CDH18: variants seen among roughly 807,000 people sequenced by gnomAD.
The protein encoded by CDH18 is cadherin 18.
A neutral mutation model predicts 67.9 loss-of-function variants in CDH18; 31 were observed. The ratio of observed to expected loss-of-function variants is 0.46; its 90% CI spans 0.34 to 0.62. The LOEUF (loss-of-function observed/expected upper bound fraction) is 0.62, where lower values mean the gene tolerates loss of function less well. Ranked by LOEUF, CDH18 falls within the 20% of genes least tolerant of loss-of-function variation. The pLI is 0.01. For missense variants in CDH18, 890 were observed against 975.5 expected, an observed-to-expected ratio of 0.91 and a Z score of 1.17; for synonymous variants, 362 against 347.2, an observed-to-expected ratio of 1.04 and a Z score of -0.48.
At chr5:20,413,315 G>C (rs973207773) in intron 1 of CDH18, among the ~76,000 whole-genome samples, 3 of 152,136 alleles carry the variant, frequency 2.0e-5, no homozygotes, top group Non-Finnish European at 2.9e-5. Context: ...GTAATCATTT[G>C]GGTATATACC....
chr5:20,425,144 G>A (rs944829845), intron 1 of CDH18, among the ~76,000 whole-genome samples: 1 of 151,072 alleles, frequency 6.6e-6, no homozygotes, highest in Non-Finnish European at 1.5e-5. Flanking sequence ...GAGGCAGGCA[G>A]ATCACGAGGT....
At chr5:20,089,235 C>G (rs7725852) in intron 2 of CDH18, among the ~76,000 whole-genome samples, 3,692 of 151,910 alleles carry the variant, frequency 0.024, 145 homozygotes, top group African/African-American at 0.079. Flanking sequence ...TTTTTTGTTT[C>G]ATTGTTTCTT....
intron 1 of CDH18, among the ~76,000 whole-genome samples, chr5:20,548,375 T>C (rs545044375): frequency 1.3e-5 from 2 of 151,892 alleles, no homozygotes; most frequent in Non-Finnish European, 2.9e-5. Context: ...TCATAAAATA[T>C]GTCCCTGGAT....
intron 5 of CDH18, among the ~76,000 whole-genome samples, chr5:19,616,907 A>G (rs1452290874): frequency 6.6e-6 from 1 of 152,112 alleles, no homozygotes; most frequent in Non-Finnish European, 1.5e-5. Flanking sequence ...GCAAGCACTG[A>G]GAGGAGGATG....
At chr5:20,402,848 C>T (rs13180830) in intron 1 of CDH18, among the ~76,000 whole-genome samples, 18,365 of 150,532 alleles carry the variant, frequency 0.12, 1,517 homozygotes, top group Non-Finnish European at 0.18. Context: ...GCGGAGGTTG[C>T]AGTGAGCTGA....
intron 11 of CDH18, chr5:19,502,764 G>C: frequency 3.7e-6 from 2 of 546,342 alleles, no homozygotes; most frequent in Non-Finnish European, 6.5e-6. Flanking sequence ...CATATTACAT[G>C]TACATTTCTT....
chr5:19,721,518 T>A, intron 4 of CDH18, 52 bp from the exon 5 acceptor site: 1 of 1,563,086 alleles, frequency 6.4e-7, no homozygotes. Flanking sequence ...TAGCATATGA[T>A]TAATTTGAAC....
At chr5:19,816,656 G>A (rs1779317389) in intron 3 of CDH18, among the ~76,000 whole-genome samples, 1 of 151,880 alleles carries the variant, frequency 6.6e-6, no homozygotes, top group Non-Finnish European at 1.5e-5. Flanking sequence ...GAAGTCAGAT[G>A]TATTTTAAAT....
intron 3 of CDH18, among the ~76,000 whole-genome samples, chr5:19,832,240 C>A (rs1436563760): frequency 6.6e-6 from 1 of 151,982 alleles, no homozygotes; most frequent in African/African-American, 2.4e-5. Flanking sequence ...TGCACATGTG[C>A]CCTTTGAATC....
chr5:20,242,903 G>T (rs1382265493), intron 2 of CDH18, among the ~76,000 whole-genome samples: 1 of 151,624 alleles, frequency 6.6e-6, no homozygotes, highest in East Asian at 1.9e-4. Flanking sequence ...ATTCTTCATT[G>T]AAATCAAGCA....
At position 19,753,348 on chromosome 5, in the gene CDH18, A is replaced by G. The variant is rs1771109419; in HGVS notation, c.229-6112T>C. On this transcript the variant is annotated intron_variant, in intron 3 of 12. Transcript: ENST00000382275. ...TAGATTGCATAAACAAAAACAATAA[A>G]AACTTCAGGAAACATTGGACACAGA... is the stretch of plus-strand genomic sequence containing the variant. Among the ~76,000 whole-genome samples the G allele has an allele frequency of 2.6e-5, 4 of 152,200 alleles. No individual in the cohort carries two copies. The South Asian group carries it at 8.3e-4, about 31-fold the overall frequency.
chr5:20,185,162 C>T (rs1737989976), intron 2 of CDH18, among the ~76,000 whole-genome samples: 2 of 152,098 alleles, frequency 1.3e-5, no homozygotes, highest in Non-Finnish European at 1.5e-5. Context: ...CTTCATCTCA[C>T]ATGCCATATC....
rs577000012 is a variant in CDH18, at chr5:19,999,947, G to T, written c.-517-7933C>A. 2.2e-4 allele frequency among the ~76,000 whole-genome samples: 34 copies of T among 152,226 alleles called. No individual in the cohort carries two copies. In the South Asian group the frequency reaches 6.2e-3, roughly 28 times the overall value. ...AATTATGTATTAAGTTCCATCTCAA[G>T]TTCTTTCAGATTCATATAGTCCCCC... On this transcript the variant is annotated intron_variant, in intron 2 of 14. Coordinates refer to the CDH18 transcript ENST00000507958.
intron 2 of CDH18, among the ~76,000 whole-genome samples, chr5:19,860,482 G>A (rs1581683707): frequency 7.4e-6 from 1 of 135,700 alleles, no homozygotes; most frequent in African/African-American, 2.7e-5. Context: ...CCATATACTT[G>A]CAGATAGTTT....
rs1210837982 is a variant in CDH18 at position 20,235,280 on chromosome 5, G to A, written c.-518+20164C>T. ...CAACAAAACCAAAAGTTGACAGCTT[G>A]GACCTAATTAAACCAAAGAGCTTCT... is the stretch of plus-strand genomic sequence containing the variant. On this transcript the variant is annotated intron_variant, in intron 2 of 14. Transcript: ENST00000507958. Among the ~76,000 whole-genome samples the A allele has an allele frequency of 2.0e-5, 3 of 152,008 alleles. No homozygotes were observed. The East Asian group carries it at 5.8e-4, about 29-fold the overall frequency.
intron 3 of CDH18, among the ~76,000 whole-genome samples, chr5:19,785,731 C>T (rs1421229872): frequency 3.8e-5 from 3 of 79,700 alleles, no homozygotes; most frequent in Non-Finnish European, 6.8e-5. Context: ...TATATGCATG[C>T]ATCTGTAAAA....
intron 1 of CDH18, among the ~76,000 whole-genome samples, chr5:20,258,766 T>C (rs1420435998): frequency 1.3e-5 from 2 of 152,122 alleles, no homozygotes; most frequent in African/African-American, 4.8e-5. Flanking sequence ...AGTCCTAACA[T>C]ACCCTAATAC....
chr5:19,727,614 C>T (rs1767011184), intron 4 of CDH18, among the ~76,000 whole-genome samples: 1 of 152,060 alleles, frequency 6.6e-6, no homozygotes. Context: ...TAGGGCAACT[C>T]TAGCAAATGA....
chr5:19,478,883 T>C (rs941339069), intron 12 of CDH18, among the ~76,000 whole-genome samples: 3 of 152,178 alleles, frequency 2.0e-5, no homozygotes, highest in African/African-American at 7.2e-5. Context: ...AGGCTCACTC[T>C]AAATTCTCTT....
Sources: gnomAD v4.1 joint callset for allele counts (sites outside exome capture counted in the v4.1 genomes callset) on GRCh38, gnomAD v4.1.1 for gene constraint, MANE v1.5 for transcripts, NCBI Gene and HGNC (gene_info 2026-07-23, HGNC 2026-07-21) for gene names.